The following TENM2 variants were observed in gnomAD, a reference collection of about 807,000 sequenced individuals.
The protein encoded by TENM2 is teneurin transmembrane protein 2, also known as teneurin-2.
In TENM2, 52 loss-of-function variants were observed where a neutral mutation model predicts 245.2. The observed-to-expected ratio is 0.21, with a 90% CI of 0.17 to 0.27. The LOEUF (loss-of-function observed/expected upper bound fraction) is 0.27. Among genes scored for constraint, TENM2 ranks in the 10% least tolerant of loss-of-function variants. TENM2 has a pLI of 1.00. For synonymous variants in TENM2, 1,363 were observed against 1,438.9 expected (o/e 0.95, Z 1.19); for missense variants, 3,046 against 3,666.8 (o/e 0.83, Z 4.37).
At chr5:166,982,103 T>C in the TENM2 span, among the ~76,000 whole-genome samples, 2 of 152,198 alleles carry the variant, frequency 1.3e-5, no homozygotes. Context: ...GTAACTTAGA[T>C]AGTTTCATTT....
chr5:167,108,513 G>A, the TENM2 span, among the ~76,000 whole-genome samples: 1 of 152,168 alleles, frequency 6.6e-6, no homozygotes, highest in Non-Finnish European at 1.5e-5. Context: ...AGCCCTACTT[G>A]CATTGCCCCA....
chr5:167,230,986 T>C, the TENM2 span, among the ~76,000 whole-genome samples: 1 of 152,184 alleles, frequency 6.6e-6, no homozygotes, highest in Non-Finnish European at 1.5e-5. Flanking sequence ...TCCTGAGATC[T>C]GATGGTTTTA....
chr5:168,045,944 G>A (rs937696033), intron 5 of TENM2, among the ~76,000 whole-genome samples: 30 of 152,160 alleles, frequency 2.0e-4, no homozygotes, highest in Admixed American at 6.5e-4. Context: ...TACCTTGATG[G>A]AAAGTGTACA....
chr5:167,058,642 T>G, the TENM2 span, among the ~76,000 whole-genome samples: 93,628 of 151,458 alleles, frequency 0.62, 30,554 homozygotes, highest in African/African-American at 0.84. Context: ...TTCCAGCTAC[T>G]TGGAAGGCTG....
intron 2 of TENM2, among the ~76,000 whole-genome samples, chr5:167,852,334 G>T (rs1770658246): frequency 1.3e-5 from 2 of 152,320 alleles, no homozygotes; most frequent in East Asian, 1.9e-4. Flanking sequence ...ACTGTAATAG[G>T]TTCATGAAGG....
intron 10 of TENM2, among the ~76,000 whole-genome samples, chr5:168,122,333 C>T (rs1386655748): frequency 2.0e-5 from 3 of 152,278 alleles, no homozygotes; most frequent in East Asian, 1.9e-4. Context: ...CCGGCCACCA[C>T]GCCTGGCTAA....
chr5:167,512,228 A>G (rs1261275198), intron 2 of TENM2, among the ~76,000 whole-genome samples: 1 of 152,196 alleles, frequency 6.6e-6, no homozygotes, highest in East Asian at 1.9e-4. Flanking sequence ...ACAGCATATA[A>G]ATTGCATGTT....
chr5:168,030,896 G>A (rs1256600400), intron 5 of TENM2, among the ~76,000 whole-genome samples: 1 of 152,196 alleles, frequency 6.6e-6, no homozygotes, highest in Non-Finnish European at 1.5e-5. Flanking sequence ...TGGAAAATGG[G>A]AGGTTGGGGG....
chr5:167,371,381 G>A (rs1399487606), intron 1 of TENM2, among the ~76,000 whole-genome samples: 1 of 138,602 alleles, frequency 7.2e-6, no homozygotes, highest in Non-Finnish European at 1.5e-5. Context: ...TTGAAACGGA[G>A]TTTCGCTCTT....
chr5:167,968,569 C>T (rs1008747469), intron 4 of TENM2, among the ~76,000 whole-genome samples: 5 of 152,224 alleles, frequency 3.3e-5, no homozygotes, highest in East Asian at 3.9e-4. Context: ...ACCAATAATA[C>T]GACCTTTAAA....
chr5:167,084,327 TTATATATATATATATATATATATATA>T, the TENM2 span, among the ~76,000 whole-genome samples: 43 of 23,180 alleles, frequency 1.9e-3, 5 homozygotes, highest in East Asian at 3.9e-3. Context: ...GCCATTTTAG[TTATATATATATATATATATATATATA>T]TATATATATA....
chr5:167,605,789 T>C (rs1349925237), intron 2 of TENM2, among the ~76,000 whole-genome samples: 2 of 152,176 alleles, frequency 1.3e-5, no homozygotes, highest in East Asian at 1.9e-4. Context: ...TTATAGGCAC[T>C]AGAGAGTCCT....
Position 167,918,857 on chromosome 5 carries a change from C to G in TENM2, c.713-33731C>G, listed in dbSNP as rs186985989. On this transcript the variant is annotated intron_variant, in intron 3 of 28. Coordinates refer to ENST00000518659, the Ensembl canonical transcript of TENM2. The stretch of plus-strand genomic sequence containing the variant: ...AAGCCAATATGGGAAGCAAAGTTAC[C>G]ACGGGGACAAAATGTTCTTCCGAGC... Among the ~76,000 whole-genome samples the G allele has an allele frequency of 2.0e-5, 3 of 151,414 alleles. No homozygotes were observed. In the East Asian group the frequency reaches 5.8e-4, roughly 29 times the overall value.
the TENM2 span, among the ~76,000 whole-genome samples, chr5:167,001,544 A>T: frequency 3.7e-5 from 4 of 107,612 alleles, no homozygotes; most frequent in East Asian, 4.1e-4. Flanking sequence ...AAGTGGAATT[A>T]AAAAAAAAAA....
chr5:168,114,069 T>G (rs1405162963), intron 9 of TENM2, among the ~76,000 whole-genome samples: 1 of 152,218 alleles, frequency 6.6e-6, no homozygotes, highest in African/African-American at 2.4e-5. Flanking sequence ...TGGCATTTCT[T>G]TATTTTATTA....
chr5:168,077,920 T>G (rs1037032379), intron 7 of TENM2, among the ~76,000 whole-genome samples: 1 of 152,252 alleles, frequency 6.6e-6, no homozygotes, highest in Non-Finnish European at 1.5e-5. Context: ...CAGCATGATT[T>G]ATAATCCTTT....
At chr5:167,726,354 A>T (rs1760004645) in intron 2 of TENM2, among the ~76,000 whole-genome samples, 1 of 152,198 alleles carries the variant, frequency 6.6e-6, no homozygotes, top group African/African-American at 2.4e-5. Flanking sequence ...TAATAGAAAG[A>T]AGTATTATTA....
rs563405273 is a variant in TENM2 at position 167,701,480 on chromosome 5, T to G, written c.503-174506T>G. ...ATTACTCATTCTTACTCTGTATACC[T>G]TCTCACGTTCCAGTGAGAAGAAGAA... On this transcript the variant is annotated intron_variant, in intron 2 of 28. Coordinates refer to ENST00000518659, the Ensembl canonical transcript of TENM2. 2.0e-5 allele frequency among the ~76,000 whole-genome samples: 3 copies of G among 152,220 alleles called. No individual in the cohort carries two copies. In the East Asian group the frequency reaches 5.8e-4, roughly 29 times the overall value.
intron 2 of TENM2, among the ~76,000 whole-genome samples, chr5:167,598,002 C>A (rs752189300): frequency 2.6e-5 from 4 of 152,178 alleles, no homozygotes; most frequent in Non-Finnish European, 5.9e-5. Context: ...CACCATCACA[C>A]CCACATTCCA....
Sources: gnomAD v4.1 joint callset for allele counts (sites outside exome capture counted in the v4.1 genomes callset) on GRCh38, gnomAD v4.1.1 for gene constraint, MANE v1.5 for transcripts, NCBI Gene and HGNC (gene_info 2026-07-23, HGNC 2026-07-21) for gene names.